The following CACNA1D variants were observed in gnomAD, a reference collection of about 807,000 sequenced individuals.
The protein encoded by CACNA1D is calcium voltage-gated channel subunit alpha1 D.
CACNA1D carries 55 observed loss-of-function variants against 257.1 expected under a neutral mutation model. The observed-to-expected ratio is 0.21, with a 90% CI of 0.17 to 0.27. The LOEUF (loss-of-function observed/expected upper bound fraction) is 0.27, where lower values mean the gene tolerates loss of function less well. CACNA1D is among the 10% of genes least tolerant of loss of function. CACNA1D has a pLI of 1.00. For synonymous variants in CACNA1D, 980 were observed against 1,014.9 expected, an observed-to-expected ratio of 0.97 and a Z score of 0.65; for missense variants, 1,876 against 2,784.0, an observed-to-expected ratio of 0.67 and a Z score of 7.34.
At chr3:53,691,760 C>CAT (rs576628856) in intron 8 of CACNA1D, among the ~76,000 whole-genome samples, 5 of 38,438 alleles carry the variant, frequency 1.3e-4, no homozygotes, top group African/African-American at 3.6e-4. Context: ...ATATATATTA[C>CAT]ATATAATATA....
intron 3 of CACNA1D, among the ~76,000 whole-genome samples, chr3:53,641,141 A>T (rs1437340738): frequency 6.6e-6 from 1 of 152,098 alleles, no homozygotes; most frequent in East Asian, 1.9e-4. Context: ...GGGCATCAGG[A>T]GGGGCAGGGG....
intron 3 of CACNA1D, among the ~76,000 whole-genome samples, chr3:53,549,338 T>C (rs1016526253): frequency 1.3e-5 from 2 of 152,252 alleles, no homozygotes; most frequent in African/African-American, 4.8e-5. Context: ...GATTTCCATA[T>C]GAATTTGAAT....
chr3:53,694,223 G>T (rs952832821), intron 8 of CACNA1D, among the ~76,000 whole-genome samples: 2 of 152,184 alleles, frequency 1.3e-5, no homozygotes, highest in African/African-American at 4.8e-5. Flanking sequence ...CCCAGCCCGT[G>T]GGGGCTCCAC....
At chr3:53,790,636 C>A (rs183613294) in intron 40 of CACNA1D, among the ~76,000 whole-genome samples, 1 of 152,310 alleles carries the variant, frequency 6.6e-6, no homozygotes, top group Admixed American at 6.5e-5. Context: ...GTGCCCGAGC[C>A]GCCAGTTGGC....
intron 3 of CACNA1D, among the ~76,000 whole-genome samples, chr3:53,609,327 G>A (rs900844923): frequency 2.7e-5 from 4 of 150,384 alleles, no homozygotes; most frequent in East Asian, 2.0e-4. Flanking sequence ...GAAGAATGGC[G>A]TGATCCTGGG....
chr3:53,579,768 G>A (rs1268057202), intron 3 of CACNA1D, among the ~76,000 whole-genome samples: 1 of 152,194 alleles, frequency 6.6e-6, no homozygotes, highest in Non-Finnish European at 1.5e-5. Flanking sequence ...TGACCTATCA[G>A]GTGTGATCCC....
At chr3:53,521,003 CT>C (rs1398532908) in intron 3 of CACNA1D, among the ~76,000 whole-genome samples, 7 of 146,374 alleles carry the variant, frequency 4.8e-5, no homozygotes, top group Non-Finnish European at 1.1e-4. Flanking sequence ...TTTCTTTCTT[CT>C]TTTTTTCTTT....
chr3:53,534,883 C>A (rs1271250507), intron 3 of CACNA1D, among the ~76,000 whole-genome samples: 1 of 152,226 alleles, frequency 6.6e-6, no homozygotes, highest in African/African-American at 2.4e-5. Flanking sequence ...CCAGCTCCCC[C>A]ACGGAACGTT....
chr3:53,718,481 G>T lies in CACNA1D; in HGVS notation c.1478+93G>T, dbSNP rs2094844154. 8.0e-6 allele frequency: 10 copies of T among 1,252,064 alleles called. No homozygotes were observed. In the South Asian group the frequency reaches 9.8e-5, roughly 12 times the overall value. The allele number at this position is 1,252,064 out of a possible 1,614,324, so 77.6% of individuals were successfully genotyped here. On this transcript the variant is annotated intron_variant, in intron 10 of 47. Transcript: ENST00000350061. ...CCGCCCAGGCTGCAGCAGAGCCCCG[G>T]GCCATCGCCTTGGGTGTGGCGGGTG...
intron 8 of CACNA1D, among the ~76,000 whole-genome samples, chr3:53,691,820 TTATATC>T (rs1470629987): frequency 1.1e-5 from 1 of 88,096 alleles, no homozygotes; most frequent in African/African-American, 4.5e-5. Flanking sequence ...ATATTATATA[TTATATC>T]TATAATATAT....
chr3:53,687,905 C>G (rs2094487026), intron 8 of CACNA1D, among the ~76,000 whole-genome samples: 1 of 152,180 alleles, frequency 6.6e-6, no homozygotes, highest in Non-Finnish European at 1.5e-5. Context: ...ATAGATAGTA[C>G]AATAGCTAAA....
At chr3:53,783,481 G>A (rs1409791861) in intron 39 of CACNA1D, among the ~76,000 whole-genome samples, 1 of 152,180 alleles carries the variant, frequency 6.6e-6, no homozygotes, top group Non-Finnish European at 1.5e-5. Context: ...TAGGATGACA[G>A]GTTTTAATCT....
intron 18 of CACNA1D, 141 bp from the exon 19 acceptor site, chr3:53,732,674 G>A (rs890009411): frequency 7.4e-6 from 6 of 807,452 alleles, no homozygotes; most frequent in Non-Finnish European, 1.3e-5. Context: ...TCCATGTTCT[G>A]AAGGAGCAGG....
intron 8 of CACNA1D, among the ~76,000 whole-genome samples, chr3:53,685,114 T>C (rs1455248053): frequency 6.6e-6 from 1 of 152,128 alleles, no homozygotes; most frequent in Non-Finnish European, 1.5e-5. Flanking sequence ...TAAATAAAAA[T>C]TTAAGATGCT....
intron 3 of CACNA1D, among the ~76,000 whole-genome samples, chr3:53,529,476 TC>T (rs2091876785): frequency 6.6e-6 from 1 of 152,216 alleles, no homozygotes; most frequent in Non-Finnish European, 1.5e-5. Context: ...CTTTGTAATG[TC>T]CCTGTCTGGC....
chr3:53,660,049 T>G (rs2094188272), intron 4 of CACNA1D, 84 bp from the exon 5 acceptor site: 23 of 1,299,988 alleles, frequency 1.8e-5, no homozygotes, highest in Non-Finnish European at 2.5e-5. Context: ...ATTAGCCCTT[T>G]TCAAAAATAA....
At chr3:53,743,810 A>T (rs976773424) in intron 22 of CACNA1D, among the ~76,000 whole-genome samples, 1 of 152,082 alleles carries the variant, frequency 6.6e-6, no homozygotes, top group Non-Finnish European at 1.5e-5. Flanking sequence ...CCCCTGTATG[A>T]GCACACATGC....
At chr3:53,557,956 C>T (rs1177837226) in intron 3 of CACNA1D, among the ~76,000 whole-genome samples, 3 of 152,326 alleles carry the variant, frequency 2.0e-5, no homozygotes, top group Middle Eastern at 3.4e-3. Context: ...ATTGATATTT[C>T]AATCATATTG....
At position 53,582,905 on chromosome 3, in the gene CACNA1D, T is replaced by A. The variant is rs77986399; in HGVS notation, c.484-67874T>A. 3.5e-3 allele frequency among the ~76,000 whole-genome samples: 537 copies of A among 152,224 alleles called. 3 individuals are homozygous for A. The highest frequency in any genetic ancestry group is 0.012 in the African/African-American group (514 of 41,512). On this transcript the variant is annotated intron_variant, in intron 3 of 47. Coordinates refer to ENST00000350061, the MANE Select transcript of CACNA1D (RefSeq NM_001128840.3). ...ATGATTTTGTGTACATGTGCACCTT[T>A]CCCCCACAACTTTCAAAGATCTCTG...
Sources: gnomAD v4.1 joint callset for allele counts (sites outside exome capture counted in the v4.1 genomes callset) on GRCh38, gnomAD v4.1.1 for gene constraint, MANE v1.5 for transcripts, NCBI Gene and HGNC (gene_info 2026-07-23, HGNC 2026-07-21) for gene names.